The following LRIG1 variants were observed in gnomAD, a reference collection of about 807,000 sequenced individuals.
LRIG1 encodes the protein leucine rich repeats and immunoglobulin like domains 1.
Under a neutral mutation model 99.2 loss-of-function variants are expected in LRIG1, and 48 were observed. That is an observed-to-expected ratio of 0.48 (90% CI 0.38 to 0.62). LRIG1 has a LOEUF of 0.62. Among genes scored for constraint, LRIG1 ranks in the 20% least tolerant of loss-of-function variants. The pLI, the probability that LRIG1 is intolerant of heterozygous loss-of-function variation, is 0.00. For missense variants in LRIG1, 1,646 were observed against 1,434.4 expected (o/e 1.15, Z -2.38); for synonymous variants, 772 against 596.1 (o/e 1.29, Z -4.30).
intron 2 of LRIG1, among the ~76,000 whole-genome samples, chr3:66,452,009 T>C (rs1426381347): frequency 1.3e-5 from 2 of 152,160 alleles, no homozygotes; most frequent in African/African-American, 4.8e-5. Flanking sequence ...AATTTGCCCC[T>C]GTCAAAGGGC....
In LRIG1 at chr3:66,379,319, A is replaced by AAGTC. The variant is rs1005924322; in HGVS notation, c.*940_*943dup. 4 of 152,650 alleles carry AAGTC rather than the reference A, an allele frequency of 2.6e-5. No individual in the cohort carries two copies. The highest frequency in any genetic ancestry group is 2.0e-4 in the Admixed American group (3 of 15,302). The allele number at this position is 152,650 out of a possible 1,614,324, so 9.5% of individuals were successfully genotyped here. The stretch of plus-strand genomic sequence containing the variant: ...TTAGTAGAAATAAGGTAGCCCTGAA[A>AAGTC]AGTCAGAACTTCCTCCTTTCTGTCC... On this transcript the variant is annotated 3_prime_UTR_variant, in exon 19 of 19. Coordinates refer to ENST00000273261, the MANE Select transcript of LRIG1 (RefSeq NM_015541.3).
At chr3:66,478,718 G>C (rs977840918) in intron 1 of LRIG1, among the ~76,000 whole-genome samples, 4 of 152,044 alleles carry the variant, frequency 2.6e-5, no homozygotes, top group Admixed American at 6.6e-5. Context: ...GATCTCCAAG[G>C]GTCTCCACTG....
chr3:66,491,528 A>C (rs1701101520), intron 1 of LRIG1, among the ~76,000 whole-genome samples: 1 of 152,236 alleles, frequency 6.6e-6, no homozygotes, highest in Non-Finnish European at 1.5e-5. Context: ...GTGCCCAATA[A>C]ACATTCTGTA....
At position 66,394,064 on chromosome 3, in the gene LRIG1, C is replaced by G. The variant is rs1701733717; in HGVS notation, c.1444G>C (p.Val482Leu). The change falls in exon 12 of 19, where the codon GTG becomes CTG. Residue 482 changes from valine to leucine, a missense_variant. Transcript: ENST00000273261. Reference protein sequence around the residue: ...ESLKGQSIFSVPPESFVCDDF... With the variant: ...ESLKGQSIFSLPPESFVCDDF... ...CCGCACACGAAACTCTCTGGTGGCACAGAGAAAATGCTCTGACCCTTCAGT... is the reference window on the plus strand; with the variant it reads ...CCGCACACGAAACTCTCTGGTGGCAGAGAGAAAATGCTCTGACCCTTCAGT... The G allele has an allele frequency of 6.2e-7, 1 of 1,613,976 alleles. No homozygotes were observed. The highest frequency in any genetic ancestry group is 1.3e-5 in the African/African-American group (1 of 74,930).
chr3:66,455,802 T>C (rs1386655855), intron 2 of LRIG1, among the ~76,000 whole-genome samples: 2 of 152,242 alleles, frequency 1.3e-5, no homozygotes, highest in South Asian at 2.1e-4. Context: ...CTAATTGATG[T>C]GGTGAGACTT....
intron 12 of LRIG1, chr3:66,386,559 G>T: frequency 2.3e-6 from 1 of 435,766 alleles, no homozygotes; most frequent in Non-Finnish European, 4.1e-6. Context: ...CCACTTCTCA[G>T]TTCTCAAACC....
intron 13 of LRIG1, among the ~76,000 whole-genome samples, chr3:66,384,557 G>T (rs1459630282): frequency 6.6e-6 from 1 of 152,006 alleles, no homozygotes; most frequent in Non-Finnish European, 1.5e-5. Context: ...CTATACGGGA[G>T]TTGCAGGGGG....
chr3:66,399,530 T>G (rs1342740749), intron 9 of LRIG1, among the ~76,000 whole-genome samples: 1 of 152,180 alleles, frequency 6.6e-6, no homozygotes, highest in Non-Finnish European at 1.5e-5. Context: ...CCCAGCACTT[T>G]GGGAGGCTGA....
chr3:66,384,567 G>A (rs1168022655), intron 13 of LRIG1, among the ~76,000 whole-genome samples: 3 of 152,024 alleles, frequency 2.0e-5, no homozygotes, highest in African/African-American at 7.3e-5. Flanking sequence ...GTTGCAGGGG[G>A]TGCCCATCCA....
intron 1 of LRIG1, among the ~76,000 whole-genome samples, chr3:66,472,430 C>A (rs552186497): frequency 3.3e-5 from 5 of 151,858 alleles, no homozygotes; most frequent in Non-Finnish European, 7.4e-5. Flanking sequence ...AACTTTGGCA[C>A]AGTCACCACC....
intron 9 of LRIG1, among the ~76,000 whole-genome samples, chr3:66,404,686 T>C (rs563945242): frequency 1.3e-5 from 2 of 152,148 alleles, no homozygotes; most frequent in East Asian, 1.9e-4. Context: ...TGGCAAAATC[T>C]AGGAGCTAGC....
chr3:66,477,528 T>C (rs771934041), intron 1 of LRIG1, among the ~76,000 whole-genome samples: 1 of 152,144 alleles, frequency 6.6e-6, no homozygotes, highest in East Asian at 1.9e-4. Flanking sequence ...AATGGAGCAG[T>C]AGGTAGGGCT....
At chr3:66,408,920 G>GTGTGTGTGTGTC in intron 7 of LRIG1, among the ~76,000 whole-genome samples, 1 of 83,704 alleles carries the variant, frequency 1.2e-5, no homozygotes, top group South Asian at 5.6e-4. Flanking sequence ...GTCAGTGTGT[G>GTGTGTGTGTGTC]TGTGTGTGTG....
At chr3:66,486,309 CTGAAG>C (rs1412810358) in intron 1 of LRIG1, among the ~76,000 whole-genome samples, 3 of 152,154 alleles carry the variant, frequency 2.0e-5, no homozygotes, top group Non-Finnish European at 4.4e-5. Flanking sequence ...GAAAAGGAAA[CTGAAG>C]TGGAGTAAAT....
intron 1 of LRIG1, among the ~76,000 whole-genome samples, chr3:66,493,523 C>T (rs139364197): frequency 1.3e-5 from 2 of 152,288 alleles, no homozygotes; most frequent in East Asian, 3.8e-4. Flanking sequence ...GGGAGAAGGC[C>T]GCTTCATACA....
In LRIG1 at chr3:66,412,868, T is replaced by C. The variant is rs566423552; in HGVS notation, c.791+3A>G. On this transcript the variant is annotated splice_donor_region_variant and intron_variant, in intron 6 of 18. Transcript: ENST00000273261. ...CAATGCCAGTAACCTGGTCCGCACT[T>C]ACAGCACATGCATCTTGGACAGTCC... The C allele has an allele frequency of 6.8e-6, 11 of 1,614,016 alleles. No homozygotes were observed. Among genetic ancestry groups the C allele is most frequent in the Middle Eastern group, 1.6e-4 (1 of 6,062 alleles).
chr3:66,428,615 G>C lies in LRIG1; in HGVS notation c.366-11349C>G, dbSNP rs62245368. On this transcript the variant is annotated intron_variant, in intron 3 of 18. Transcript: ENST00000273261. ...AAAATTAAGATGAGACATTTTTCAA[G>C]AACAAGTGAATGCGGAAGAGCTTTC... 4.6e-3 allele frequency among the ~76,000 whole-genome samples: 699 copies of C among 152,306 alleles called. 1 individual carries two copies. The highest frequency in any genetic ancestry group is 7.6e-3 in the Admixed American group (117 of 15,304).
chr3:66,470,636 C>T (rs1229943747), intron 1 of LRIG1, among the ~76,000 whole-genome samples: 2 of 152,166 alleles, frequency 1.3e-5, no homozygotes, highest in Admixed American at 1.3e-4. Context: ...CCAGGTCCCT[C>T]ACGAACATTA....
intron 11 of LRIG1, among the ~76,000 whole-genome samples, 184 bp from the exon 12 acceptor site, chr3:66,394,387 G>A (rs772996524): frequency 2.0e-4 from 30 of 152,208 alleles, no homozygotes; most frequent in Non-Finnish European, 3.8e-4. Context: ...TAACCCACCT[G>A]GAGATTTTGA....
Sources: allele counts gnomAD v4.1 joint callset (sites outside exome capture counted in the v4.1 genomes callset), GRCh38; gene constraint gnomAD v4.1.1; transcripts MANE v1.5; gene names NCBI Gene and HGNC (gene_info 2026-07-23, HGNC 2026-07-21).